The following PCDHAC2 variants were observed in gnomAD, a reference collection of about 807,000 sequenced individuals.
PCDHAC2 encodes the protein protocadherin alpha-C2.
A neutral mutation model predicts 63.3 loss-of-function variants in PCDHAC2; 24 were observed. That is an observed-to-expected ratio of 0.38 (90% CI 0.27 to 0.53). The LOEUF is 0.53. Among genes scored for constraint, PCDHAC2 ranks in the 20% least tolerant of loss-of-function variants. The pLI is 0.81. For synonymous variants in PCDHAC2, 569 were observed against 529.4 expected (o/e 1.07, Z -1.03); for missense variants, 1,181 against 1,275.2 (o/e 0.93, Z 1.12).
In PCDHAC2 at chr5:141,009,994, C is replaced by T; in HGVS notation, c.*57C>T. 1.3e-6 allele frequency: 2 copies of T among 1,577,076 alleles called. No individual in the cohort carries two copies. Among genetic ancestry groups the T allele is most frequent in the South Asian group, 1.2e-5 (1 of 83,074 alleles). On this transcript the variant is annotated 3_prime_UTR_variant, in exon 4 of 4. Transcript: ENST00000289269. Reference sequence around the variant, plus strand: ...GTTTTTGTAATAATGGCAAATCTCTCCCATGTAGCAATTCCCTGCTCCTTT... The same window carrying T: ...GTTTTTGTAATAATGGCAAATCTCTTCCATGTAGCAATTCCCTGCTCCTTT...
intron 3 of PCDHAC2, among the ~76,000 whole-genome samples, chr5:141,007,208 A>G (rs1056049066): frequency 5.3e-5 from 8 of 152,060 alleles, no homozygotes; most frequent in African/African-American, 1.9e-4. Context: ...GGGCCAGAAT[A>G]TGCTGTCCCA....
chr5:140,976,511 A>G (rs1216804890), intron 1 of PCDHAC2, among the ~76,000 whole-genome samples: 1 of 152,148 alleles, frequency 6.6e-6, no homozygotes, highest in Non-Finnish European at 1.5e-5. Flanking sequence ...AGATCGCGCC[A>G]CTGCACACCA....
At chr5:140,993,137 A>G (rs1336525759) in intron 3 of PCDHAC2, among the ~76,000 whole-genome samples, 12 of 152,212 alleles carry the variant, frequency 7.9e-5, no homozygotes, top group African/African-American at 2.7e-4. Flanking sequence ...CTGTTGCAAC[A>G]AGTATAAATG....
At chr5:141,003,982 G>A (rs914206731) in intron 3 of PCDHAC2, among the ~76,000 whole-genome samples, 25 of 152,152 alleles carry the variant, frequency 1.6e-4, no homozygotes, top group African/African-American at 5.6e-4. Flanking sequence ...GGGACTTGCC[G>A]GAGATCCTAG....
chr5:140,968,167 A>C lies in PCDHAC2; in HGVS notation c.1401A>C (p.Pro467=), dbSNP rs782252124. 1 of 1,614,076 alleles carries C rather than the reference A, an allele frequency of 6.2e-7. No individual in the cohort carries two copies. The highest frequency in any genetic ancestry group is 1.7e-5 in the Admixed American group (1 of 60,014). ...TCTCTGACATCAATGACAATCCACC[A>C]AGCTTCCTGGAGGACTCCTATTCCA... The part of the protein sequence containing the change: ...VEISDINDNP[P]SFLEDSYSIY... The change falls in exon 1 of 4, where the codon CCA becomes CCC. Residue 467 remains proline (P), a synonymous_variant. Coordinates refer to ENST00000289269, the MANE Select transcript of PCDHAC2 (RefSeq NM_018899.6).
intron 3 of PCDHAC2, among the ~76,000 whole-genome samples, chr5:140,985,509 T>C (rs6886977): frequency 1.5e-3 from 223 of 152,280 alleles, no homozygotes; most frequent in African/African-American, 4.4e-3. Context: ...CTTTCATTGA[T>C]TCTGTTGCCC....
At chr5:141,005,095 A>T (rs1554259887) in intron 3 of PCDHAC2, among the ~76,000 whole-genome samples, 1 of 152,192 alleles carries the variant, frequency 6.6e-6, no homozygotes, top group South Asian at 2.1e-4. Flanking sequence ...CTTTACATGC[A>T]TTACATCATT....
At chr5:140,971,642 A>T (rs1586490477) in intron 1 of PCDHAC2, among the ~76,000 whole-genome samples, 1 of 152,330 alleles carries the variant, frequency 6.6e-6, no homozygotes. Context: ...ATGTGCCTAC[A>T]TTAAAAGTAG....
At chr5:141,007,448 G>A (rs555583994) in intron 3 of PCDHAC2, among the ~76,000 whole-genome samples, 2 of 150,352 alleles carry the variant, frequency 1.3e-5, no homozygotes, top group African/African-American at 4.9e-5. Context: ...TGTGCCTGTA[G>A]TCCCAGCTAC....
At chr5:141,001,333 T>G (rs1554258097) in intron 3 of PCDHAC2, among the ~76,000 whole-genome samples, 1 of 152,178 alleles carries the variant, frequency 6.6e-6, no homozygotes, top group African/African-American at 2.4e-5. Context: ...TCACCATAAT[T>G]TACATGATGT....
rs12153295 is a variant in PCDHAC2 at position 140,967,813 on chromosome 5, C to T, written c.1047C>T (p.Cys349=). 229,585 of 1,614,060 alleles carry T rather than the reference C, an allele frequency of 0.14. 17,281 individuals are homozygous for T. Among genetic ancestry groups the T allele is most frequent in the Middle Eastern group, 0.18 (1,087 of 6,060 alleles). Reference sequence around the variant, plus strand: ...GTCCAGTGCCCATGGCAGGTCACTGCAAGGTGCTGGTGGACATCGTGGACG... The same window carrying T: ...GTCCAGTGCCCATGGCAGGTCACTGTAAGGTGCTGGTGGACATCGTGGACG... ...DRGPVPMAGH[C]KVLVDIVDVN... is the part of the protein sequence containing the mutation. Residue 349 remains cysteine, a synonymous_variant, in exon 1 of 4, where the codon TGC becomes TGT. Coordinates refer to ENST00000289269, the MANE Select transcript of PCDHAC2 (RefSeq NM_018899.6).
intron 3 of PCDHAC2, among the ~76,000 whole-genome samples, chr5:141,004,307 A>G (rs924420604): frequency 6.6e-6 from 1 of 152,224 alleles, no homozygotes; most frequent in Admixed American, 6.5e-5. Context: ...TTTGTTTTAT[A>G]CAACAACCAG....
Position 140,968,802 on chromosome 5 carries a change from C to T in PCDHAC2, c.2036C>T (p.Ala679Val). The T allele has an allele frequency of 6.2e-7, 1 of 1,614,218 alleles. No homozygotes were observed. ...TCAGCCTCTGTGGCCATTACAGTAG[C>T]TGTGGTGGATAGGGTTTCCAAAATC... ...SLSASVAITV[A>V]VVDRVSKILP... The change falls in exon 1 of 4, where the codon GCT becomes GTT. Residue 679 changes from alanine (A) to valine (V), a missense_variant. Physicochemically the swap from Ala to Val is moderately conservative, Grantham distance 64. Around this residue, in one of 3 missense-constraint regions of PCDHAC2, gnomAD observed 968 missense variants for 1,073.5 expected, o/e 0.90. Transcript: ENST00000289269.
chr5:140,993,234 A>AATCTG (rs1554253510), intron 3 of PCDHAC2, among the ~76,000 whole-genome samples: 1 of 152,130 alleles, frequency 6.6e-6, no homozygotes, highest in Non-Finnish European at 1.5e-5. Flanking sequence ...GTTCTCTCTG[A>AATCTG]ATCTGGGGAT....
chr5:140,974,577 T>C (rs2096632640), intron 1 of PCDHAC2, among the ~76,000 whole-genome samples: 1 of 152,200 alleles, frequency 6.6e-6, no homozygotes, highest in South Asian at 2.1e-4. Flanking sequence ...AATGGCATGA[T>C]CTTGGCTCAC....
At chr5:140,977,619 C>T (rs1289978944) in intron 1 of PCDHAC2, among the ~76,000 whole-genome samples, 1 of 152,240 alleles carries the variant, frequency 6.6e-6, no homozygotes, top group African/African-American at 2.4e-5. Context: ...TAAAGTATCC[C>T]AGAGTTGTAA....
At chr5:140,994,485 C>T (rs573689251) in intron 3 of PCDHAC2, among the ~76,000 whole-genome samples, 2 of 152,146 alleles carry the variant, frequency 1.3e-5, no homozygotes, top group South Asian at 2.1e-4. Flanking sequence ...GGTGGATTGC[C>T]TGAACCCAGG....
At chr5:141,004,637 A>G (rs149340406) in intron 3 of PCDHAC2, among the ~76,000 whole-genome samples, 1,579 of 152,220 alleles carry the variant, frequency 0.01, 12 homozygotes, top group Middle Eastern at 0.058. Flanking sequence ...TTGAAGAAAA[A>G]TTTCCATTTT....
chr5:140,993,539 T>C (rs1433781690), intron 3 of PCDHAC2, among the ~76,000 whole-genome samples: 7 of 128,018 alleles, frequency 5.5e-5, no homozygotes, highest in Non-Finnish European at 1.0e-4. Flanking sequence ...GAGAGAGAGA[T>C]AGAGAAGTGA....
Sources: allele counts gnomAD v4.1 joint callset (sites outside exome capture counted in the v4.1 genomes callset), GRCh38; gene constraint gnomAD v4.1.1; regional missense constraint gnomAD v4.1.1; transcripts MANE v1.5; gene names NCBI Gene and HGNC (gene_info 2026-07-23, HGNC 2026-07-21).